Variants in RPS29 observed in about 807,000 individuals in gnomAD.
The protein encoded by RPS29 is small ribosomal subunit protein uS14.
For missense variants in RPS29, 60 were observed against 75.7 expected (o/e 0.79, Z 0.77); for synonymous variants, 37 against 26.9 (o/e 1.37, Z -1.16).
At chr14:49,580,195 T>C (rs1368939453), downstream of RPS29, among the ~76,000 whole-genome samples, 1 of 152,102 alleles carries the variant, frequency 6.6e-6, no homozygotes, top group Non-Finnish European at 1.5e-5. Flanking sequence ...ATCAAACACA[T>C]ATCACACCCT....
intron 2 of RPS29, among the ~76,000 whole-genome samples, chr14:49,585,091 C>T (rs1881481193): frequency 6.6e-6 from 1 of 151,976 alleles, no homozygotes; most frequent in South Asian, 2.1e-4. Flanking sequence ...TTGGGTTGGC[C>T]GGGCGCGGTG....
exon 3 of RPS29, chr14:49,576,631 G>C (rs1468293145): frequency 6.6e-6 from 1 of 152,142 alleles, no homozygotes; most frequent in African/African-American, 2.4e-5. Context: ...CCTTGATTAT[G>C]GTTTGTGGGC....
At chr14:49,579,941 G>A (rs116707261), downstream of RPS29, among the ~76,000 whole-genome samples, 1,176 of 152,272 alleles carry the variant, frequency 7.7e-3, 19 homozygotes, top group African/African-American at 0.026. Context: ...CCTTGGCTAT[G>A]TAATGATGAT....
intron 1 of RPS29, among the ~76,000 whole-genome samples, chr14:49,593,692 C>CAAA (rs10647593): frequency 0.16 from 8,970 of 55,972 alleles, 1,914 homozygotes; most frequent in Admixed American, 0.24. Flanking sequence ...GACTCTGTCT[C>CAAA]AAAAAAAAAA....
rs533492854 is a variant in RPS29, at chr14:49,577,399, C to T, written c.*413G>A. 2.7e-5 allele frequency: 7 copies of T among 255,170 alleles called. No individual in the cohort carries two copies. The East Asian group carries it at 7.4e-4, about 27-fold the overall frequency. 15.8% of individuals were successfully genotyped at this position (255,170 alleles called of 1,614,324 possible). On this transcript the variant is annotated 3_prime_UTR_variant, in exon 3 of 3. Transcript: ENST00000396020. ...AACAAACACATTCACTGTCTATTCA[C>T]TTTCTGCACTGTGCAGGCTGGCATT...
At chr14:49,596,132 CA>C (rs769454888) in intron 1 of RPS29, among the ~76,000 whole-genome samples, 4 of 151,992 alleles carry the variant, frequency 2.6e-5, no homozygotes, top group Non-Finnish European at 4.4e-5. Flanking sequence ...AAAGGAAGGT[CA>C]AGATGCTAAA....
Position 49,598,681 on chromosome 14 carries a change from CT to C in RPS29, c.-415del, listed in dbSNP as rs1269182482. The C allele has an allele frequency of 5.7e-6, 4 of 700,218 alleles. No individual in the cohort carries two copies. The South Asian group carries it at 6.0e-5, about 10-fold the overall frequency. 43.4% of individuals were successfully genotyped at this position (700,218 alleles called of 1,614,324 possible). On this transcript the variant is annotated 5_prime_UTR_variant, in exon 1 of 4. Coordinates refer to the RPS29 transcript ENST00000556230. Reference sequence around the variant, plus strand: ...GTCAACAGCTGAAACCCTCGGAATCCTCCCCGAACAGAAACAACCACCGCTG... The same window carrying C: ...GTCAACAGCTGAAACCCTCGGAATCCCCCCGAACAGAAACAACCACCGCTG...
At chr14:49,580,948 G>A (rs1190736059), downstream of RPS29, among the ~76,000 whole-genome samples, 1 of 151,882 alleles carries the variant, frequency 6.6e-6, no homozygotes, top group Non-Finnish European at 1.5e-5. Context: ...CACTTTGGGA[G>A]GCCAAGGTAG....
chr14:49,591,068 C>T (rs1036918352), upstream of RPS29, among the ~76,000 whole-genome samples: 4 of 151,810 alleles, frequency 2.6e-5, no homozygotes, highest in East Asian at 5.8e-4. Context: ...TTGTCCATAT[C>T]GATTTTAGCA....
At chr14:49,579,186 C>G (rs1407891621), downstream of RPS29, among the ~76,000 whole-genome samples, 3 of 152,060 alleles carry the variant, frequency 2.0e-5, no homozygotes, top group Non-Finnish European at 4.4e-5. Context: ...AAAATAAGCC[C>G]AAGAAAGCTC....
chr14:49,589,772 T>A (rs1487197901), upstream of RPS29, among the ~76,000 whole-genome samples: 2 of 152,148 alleles, frequency 1.3e-5, no homozygotes, highest in East Asian at 3.8e-4. Context: ...GCAAACACAC[T>A]GAATCAACCT....
exon 3 of RPS29, chr14:49,573,920 T>A (rs1881116188): frequency 6.6e-6 from 1 of 152,216 alleles, no homozygotes; most frequent in African/African-American, 2.4e-5. Context: ...AGACTCAGTC[T>A]ATGAAATTCA....
chr14:49,597,903 C>T (rs1054499134), intron 1 of RPS29: 6 of 152,998 alleles, frequency 3.9e-5, no homozygotes, highest in African/African-American at 1.4e-4. Flanking sequence ...CCTGCCTCAG[C>T]CCCGCAAAGT....
At chr14:49,586,557 C>T (rs1594574505), upstream of RPS29, 1 of 579,730 alleles carries the variant, frequency 1.7e-6, no homozygotes, top group South Asian at 2.0e-5. Context: ...GCTTCTAGTG[C>T]TATTCTGCGC....
chr14:49,586,121 C>T, intron 1 of RPS29, 72 bp from the exon 2 acceptor site: 1 of 1,457,988 alleles, frequency 6.9e-7, no homozygotes, highest in South Asian at 1.1e-5. Flanking sequence ...GGCTACTACC[C>T]GCATCCCGGG....
chr14:49,584,930 C>CAT (rs1881471595), intron 2 of RPS29, among the ~76,000 whole-genome samples: 1 of 14,872 alleles, frequency 6.7e-5, no homozygotes, highest in Non-Finnish European at 3.1e-4. Context: ...CCAAAAGTTT[C>CAT]ACAGTCAAAA....
At chr14:49,579,871 C>T (rs1594568361), downstream of RPS29, among the ~76,000 whole-genome samples, 1 of 152,174 alleles carries the variant, frequency 6.6e-6, no homozygotes, top group African/African-American at 2.4e-5. Context: ...CAGTTCCAGT[C>T]GTTTTGTCTC....
downstream of RPS29, among the ~76,000 whole-genome samples, chr14:49,582,012 C>A (rs1397074366): frequency 9.4e-6 from 1 of 106,510 alleles, no homozygotes; most frequent in Non-Finnish European, 1.8e-5. Flanking sequence ...CCCTGCCCCC[C>A]AAAAAAAAAA....
chr14:49,595,831 G>A (rs1199872408), intron 1 of RPS29, among the ~76,000 whole-genome samples: 1 of 152,130 alleles, frequency 6.6e-6, no homozygotes, highest in Admixed American at 6.5e-5. Flanking sequence ...TGACCAATAT[G>A]GTGAAACCCC....
Sources: allele counts gnomAD v4.1 joint callset (sites outside exome capture counted in the v4.1 genomes callset), GRCh38; gene constraint gnomAD v4.1.1; transcripts MANE v1.5; gene names NCBI Gene and HGNC (gene_info 2026-07-23, HGNC 2026-07-21).